NRG1: variants seen among roughly 807,000 people sequenced by gnomAD.
NRG1 encodes the protein pro-neuregulin-1, membrane-bound isoform.
A neutral mutation model predicts 63.8 loss-of-function variants in NRG1; 18 were observed. The observed-to-expected ratio is 0.28, with a 90% CI of 0.19 to 0.42. The LOEUF (loss-of-function observed/expected upper bound fraction) is 0.42. Ranked by LOEUF, NRG1 falls within the 10% of genes least tolerant of loss-of-function variation. NRG1 has a pLI of 1.00. For synonymous variants in NRG1, 302 were observed against 301.3 expected (o/e 1.00, Z -0.02); for missense variants, 762 against 814.7 (o/e 0.94, Z 0.79).
rs182987142 is a variant in NRG1 at position 31,816,479 on chromosome 8, A to G, written c.37+177048A>G. Among the ~76,000 whole-genome samples the G allele has an allele frequency of 1.6e-4, 25 of 152,328 alleles. No homozygotes were observed. In the East Asian group the frequency reaches 3.9e-3, roughly 23 times the overall value. On this transcript the variant is annotated intron_variant, in intron 1 of 10. Coordinates refer to the NRG1 transcript ENST00000519301. ...AGGAAGTAGAAAACTCTCAACATTT[A>G]GAAACACTTACAAGCATATGAATTT...
chr8:31,865,391 G>C (rs1229569820), intron 1 of NRG1, among the ~76,000 whole-genome samples: 1 of 152,110 alleles, frequency 6.6e-6, no homozygotes, highest in African/African-American at 2.4e-5. Flanking sequence ...CACCTCCTCA[G>C]AACAAGTGTT....
At chr8:32,457,810 A>C (rs1372886293) in intron 1 of NRG1, among the ~76,000 whole-genome samples, 1 of 152,174 alleles carries the variant, frequency 6.6e-6, no homozygotes, top group Non-Finnish European at 1.5e-5. Context: ...TGGAGTTTCT[A>C]GTTAGTGCAT....
chr8:31,704,425 C>G (rs1810921371), intron 1 of NRG1, among the ~76,000 whole-genome samples: 1 of 152,124 alleles, frequency 6.6e-6, no homozygotes, highest in Non-Finnish European at 1.5e-5. Flanking sequence ...TTAAATGGAC[C>G]CAGGCTATGC....
At chr8:31,749,372 A>G (rs1168703971) in intron 1 of NRG1, among the ~76,000 whole-genome samples, 2 of 151,816 alleles carry the variant, frequency 1.3e-5, no homozygotes, top group African/African-American at 2.4e-5. Context: ...ATCCTCCTAG[A>G]TATATTGTCA....
chr8:32,301,523 TC>T (rs1855561231), intron 1 of NRG1, among the ~76,000 whole-genome samples: 1 of 152,160 alleles, frequency 6.6e-6, no homozygotes, highest in Non-Finnish European at 1.5e-5. Flanking sequence ...CCTCTATTAG[TC>T]CATTTTCGTG....
intron 5 of NRG1, among the ~76,000 whole-genome samples, chr8:32,690,397 G>A (rs1330669684): frequency 2.6e-5 from 4 of 151,946 alleles, no homozygotes; most frequent in Admixed American, 6.6e-5. Flanking sequence ...AATGTCTGCT[G>A]TGCTCCAGCC....
rs1240007449 is a variant in NRG1, at chr8:32,463,861, A to G, written c.38-131967A>G. ...ACCATCTTCACACACACACACGAAAAAAACTTAGAATTCTTTTTTTTTTTT... is the reference window on the plus strand; with the variant it reads ...ACCATCTTCACACACACACACGAAAGAAACTTAGAATTCTTTTTTTTTTTT... On this transcript the variant is annotated intron_variant, in intron 1 of 10. Transcript: ENST00000519301. Among the ~76,000 whole-genome samples the G allele has an allele frequency of 1.1e-4, 16 of 141,852 alleles. No homozygotes were observed. The Admixed American group carries it at 1.2e-3, about 10-fold the overall frequency. 93.1% of individuals were successfully genotyped at this position (141,852 alleles called of 152,430 possible).
intron 2 of NRG1, among the ~76,000 whole-genome samples, chr8:32,600,844 C>T (rs1332313416): frequency 2.0e-5 from 3 of 152,014 alleles, no homozygotes; most frequent in Admixed American, 1.3e-4. Context: ...AACCTTCCTC[C>T]AGATCCCTAG....
intron 7 of NRG1, among the ~76,000 whole-genome samples, chr8:32,746,908 C>G (rs1282128823): frequency 1.4e-5 from 2 of 142,986 alleles, no homozygotes; most frequent in Non-Finnish European, 3.0e-5. Context: ...AGAAATGTAG[C>G]TACCAATAGT....
At chr8:32,367,591 T>C (rs1003982805) in intron 1 of NRG1, among the ~76,000 whole-genome samples, 1 of 152,188 alleles carries the variant, frequency 6.6e-6, no homozygotes, top group Non-Finnish European at 1.5e-5. Context: ...CTTTGTCAGA[T>C]GAATAGTTTG....
chr8:32,573,703 C>T (rs1041518194), intron 1 of NRG1, among the ~76,000 whole-genome samples: 2 of 151,568 alleles, frequency 1.3e-5, no homozygotes, highest in African/African-American at 4.9e-5. Context: ...GCACAATGTG[C>T]AGGTTTGTTA....
At chr8:32,351,164 C>A (rs1805554512) in intron 1 of NRG1, among the ~76,000 whole-genome samples, 1 of 152,130 alleles carries the variant, frequency 6.6e-6, no homozygotes, top group South Asian at 2.1e-4. Context: ...CAGGGCTGGT[C>A]TCCCTGCACT....
chr8:31,738,004 T>C (rs971830741), intron 1 of NRG1, among the ~76,000 whole-genome samples: 10 of 152,244 alleles, frequency 6.6e-5, no homozygotes, highest in African/African-American at 2.4e-4. Flanking sequence ...TCTACTGGAC[T>C]AATGCTTTAG....
intron 1 of NRG1, among the ~76,000 whole-genome samples, chr8:31,757,025 A>G (rs564871300): frequency 2.6e-4 from 40 of 152,302 alleles, no homozygotes; most frequent in African/African-American, 9.4e-4. Flanking sequence ...ATTCTCTTGC[A>G]ATTGCAAAGT....
At chr8:31,662,320 TA>T (rs1806071653) in intron 1 of NRG1, among the ~76,000 whole-genome samples, 1 of 152,164 alleles carries the variant, frequency 6.6e-6, no homozygotes. Context: ...ATTAAGCAGC[TA>T]ACTGAAAATG....
chr8:31,847,064 CA>C (rs1366554505), intron 1 of NRG1, among the ~76,000 whole-genome samples: 2 of 152,252 alleles, frequency 1.3e-5, no homozygotes, highest in East Asian at 1.9e-4. Context: ...TTATGGAATC[CA>C]AGGTTTGGAA....
intron 1 of NRG1, among the ~76,000 whole-genome samples, chr8:32,394,457 A>T (rs189914664): frequency 6.6e-6 from 1 of 152,318 alleles, no homozygotes; most frequent in African/African-American, 2.4e-5. Context: ...ACAACCAAAC[A>T]GGACTGACAT....
At chr8:32,234,628 C>T (rs2129469261) in intron 1 of NRG1, among the ~76,000 whole-genome samples, 1 of 152,254 alleles carries the variant, frequency 6.6e-6, no homozygotes, top group South Asian at 2.1e-4. Context: ...AGGACAGTGA[C>T]TTCACAATAA....
intron 1 of NRG1, among the ~76,000 whole-genome samples, chr8:32,570,250 C>T (rs1838294226): frequency 6.6e-6 from 1 of 152,098 alleles, no homozygotes; most frequent in South Asian, 2.1e-4. Flanking sequence ...CATGCATGTT[C>T]TGCTGTTTCT....
Sources: gnomAD v4.1 joint callset for allele counts (sites outside exome capture counted in the v4.1 genomes callset) on GRCh38, gnomAD v4.1.1 for gene constraint, MANE v1.5 for transcripts, NCBI Gene and HGNC (gene_info 2026-07-23, HGNC 2026-07-21) for gene names.